The following ADAMTSL1 variants were observed in gnomAD, a reference collection of about 807,000 sequenced individuals.
ADAMTSL1 encodes the protein ADAMTS-like protein 1.
A neutral mutation model predicts 201.8 loss-of-function variants in ADAMTSL1; 126 were observed. The ratio of observed to expected loss-of-function variants is 0.62; its 90% CI spans 0.54 to 0.72. ADAMTSL1 has a LOEUF of 0.72. Among genes scored for constraint, ADAMTSL1 ranks in the 30% least tolerant of loss-of-function variants. ADAMTSL1 has a pLI of 0.00. For missense variants in ADAMTSL1, 2,679 were observed against 2,277.8 expected (o/e 1.18, Z -3.59); for synonymous variants, 1,121 against 903.4 (o/e 1.24, Z -4.32).
intron 1 of ADAMTSL1, among the ~76,000 whole-genome samples, chr9:18,486,760 C>G (rs1342774865): frequency 6.6e-6 from 1 of 152,104 alleles, no homozygotes; most frequent in East Asian, 1.9e-4. Flanking sequence ...CTTTACCTCC[C>G]TCATGTAACA....
intron 2 of ADAMTSL1, among the ~76,000 whole-genome samples, chr9:18,389,366 C>G (rs1837950060): frequency 6.6e-6 from 1 of 152,086 alleles, no homozygotes; most frequent in Admixed American, 6.6e-5. Flanking sequence ...ATTCCAGTCA[C>G]CAATCAAAAA....
chr9:18,315,612 G>A (rs776410657), intron 2 of ADAMTSL1, among the ~76,000 whole-genome samples: 37 of 152,258 alleles, frequency 2.4e-4, no homozygotes, highest in Non-Finnish European at 4.4e-4. Flanking sequence ...TGCCCGGGCC[G>A]GCCGCTCTGA....
At position 18,825,762 on chromosome 9, in the gene ADAMTSL1, T is replaced by C. The variant is rs1043896904; in HGVS notation, c.3935-522T>C. Among the ~76,000 whole-genome samples, 12 of 151,200 alleles carry C rather than the reference T, an allele frequency of 7.9e-5. 1 individual carries two copies. The highest frequency in any genetic ancestry group is 7.2e-4 in the Admixed American group (11 of 15,228). On this transcript the variant is annotated intron_variant, in intron 21 of 28. Coordinates refer to ENST00000380548, the MANE Select transcript of ADAMTSL1 (RefSeq NM_001040272.6). ...ACTGACTACTAACAGCATAGATTAATGTTACCAGGTTTTTTTTTTTTTACT... is the reference window on the plus strand; with the variant it reads ...ACTGACTACTAACAGCATAGATTAACGTTACCAGGTTTTTTTTTTTTTACT...
chr9:18,297,002 C>A (rs777785940), intron 2 of ADAMTSL1, among the ~76,000 whole-genome samples: 1 of 152,186 alleles, frequency 6.6e-6, no homozygotes, highest in East Asian at 1.9e-4. Context: ...CCACCTCCAC[C>A]AGGCTCTTCT....
chr9:18,687,442 G>A (rs1830905790), intron 13 of ADAMTSL1, among the ~76,000 whole-genome samples: 1 of 152,160 alleles, frequency 6.6e-6, no homozygotes, highest in South Asian at 2.1e-4. Context: ...AAATGGTAAT[G>A]TTTAGAAGCT....
At chr9:18,273,761 G>A (rs1270947296) in intron 2 of ADAMTSL1, among the ~76,000 whole-genome samples, 1 of 152,176 alleles carries the variant, frequency 6.6e-6, no homozygotes, top group Non-Finnish European at 1.5e-5. Flanking sequence ...TTCCTTGGTT[G>A]TAACCTAGAT....
At chr9:18,520,252 G>T (rs1253732832) in intron 2 of ADAMTSL1, among the ~76,000 whole-genome samples, 13 of 152,196 alleles carry the variant, frequency 8.5e-5, no homozygotes, top group African/African-American at 3.1e-4. Flanking sequence ...GTCGAGAGAA[G>T]ATCAAACAAC....
At chr9:18,862,449 T>C (rs1316813315) in intron 23 of ADAMTSL1, among the ~76,000 whole-genome samples, 1 of 152,208 alleles carries the variant, frequency 6.6e-6, no homozygotes, top group Non-Finnish European at 1.5e-5. Flanking sequence ...GGAATATTCA[T>C]AGAGTCCGCA....
At chr9:18,649,657 A>G (rs1391060310) in intron 7 of ADAMTSL1, among the ~76,000 whole-genome samples, 1 of 152,200 alleles carries the variant, frequency 6.6e-6, no homozygotes, top group African/African-American at 2.4e-5. Flanking sequence ...TTTCCACTCC[A>G]GACCCTGTTT....
intron 3 of ADAMTSL1, among the ~76,000 whole-genome samples, chr9:18,564,226 C>T (rs371714973): frequency 7.9e-5 from 12 of 152,332 alleles, no homozygotes; most frequent in African/African-American, 2.6e-4. Context: ...CACCGTCCCT[C>T]GTGCACAGTG....
intron 1 of ADAMTSL1, among the ~76,000 whole-genome samples, chr9:18,493,898 G>T (rs1442840137): frequency 6.6e-6 from 1 of 152,130 alleles, no homozygotes; most frequent in Admixed American, 6.5e-5. Flanking sequence ...TACGTATCTG[G>T]TGTTCTACAA....
intron 13 of ADAMTSL1, among the ~76,000 whole-genome samples, chr9:18,688,957 CTA>C (rs1831045788): frequency 6.6e-6 from 1 of 151,688 alleles, no homozygotes; most frequent in Non-Finnish European, 1.5e-5. Context: ...AAAGTTCAAA[CTA>C]TGTCATTTCG....
rs754001590 is a variant in ADAMTSL1 at position 18,838,402 on chromosome 9, C to CACACACACACACACAA, written c.4249+8425_4249+8426insACACACACACACACAA. ...ACACACACACACACACACACACACA[C>CACACACACACACACAA]GCAAAAACCTAGAGGAGTAGAAATT... On this transcript the variant is annotated intron_variant, in intron 23 of 28. Coordinates refer to ENST00000380548, the MANE Select transcript of ADAMTSL1 (RefSeq NM_001040272.6). Among the ~76,000 whole-genome samples, 446 of 125,484 alleles carry CACACACACACACACAA rather than the reference C, an allele frequency of 3.6e-3. 20 individuals are homozygous for CACACACACACACACAA. Among genetic ancestry groups the CACACACACACACACAA allele is most frequent in the East Asian group, 0.018 (83 of 4,624 alleles). 82.3% of individuals were successfully genotyped at this position (125,484 alleles called of 152,430 possible).
intron 7 of ADAMTSL1, among the ~76,000 whole-genome samples, chr9:18,651,662 A>G (rs758777193): frequency 2.0e-5 from 3 of 152,206 alleles, no homozygotes; most frequent in Non-Finnish European, 4.4e-5. Context: ...GAGTGGCATC[A>G]TTCCAATTGT....
At chr9:18,395,594 A>G (rs1404214616) in intron 2 of ADAMTSL1, among the ~76,000 whole-genome samples, 1 of 152,166 alleles carries the variant, frequency 6.6e-6, no homozygotes, top group African/African-American at 2.4e-5. Context: ...ATGGTTGGAG[A>G]GTCAGTATAG....
intron 2 of ADAMTSL1, among the ~76,000 whole-genome samples, chr9:18,412,698 C>T (rs1818497675): frequency 6.6e-6 from 1 of 152,146 alleles, no homozygotes; most frequent in Admixed American, 6.5e-5. Flanking sequence ...TTTTGATTCT[C>T]AAGTTATCCC....
At chr9:18,748,325 C>G (rs1819261422) in intron 15 of ADAMTSL1, among the ~76,000 whole-genome samples, 1 of 152,200 alleles carries the variant, frequency 6.6e-6, no homozygotes, top group South Asian at 2.1e-4. Flanking sequence ...TTAGCCAAAA[C>G]CACTGGGGCA....
intron 5 of ADAMTSL1, among the ~76,000 whole-genome samples, chr9:18,631,130 C>T (rs1218576836): frequency 6.6e-6 from 1 of 152,166 alleles, no homozygotes; most frequent in East Asian, 1.9e-4. Context: ...AAAGTTGTCC[C>T]TCTTGGAATC....
At chr9:18,515,108 A>T (rs537297446) in intron 2 of ADAMTSL1, among the ~76,000 whole-genome samples, 8 of 151,540 alleles carry the variant, frequency 5.3e-5, no homozygotes, top group Non-Finnish European at 7.4e-5. Context: ...GAAAGCTTTT[A>T]AAAAAAATAC....
Sources: gnomAD v4.1 joint callset for allele counts (sites outside exome capture counted in the v4.1 genomes callset) on GRCh38, gnomAD v4.1.1 for gene constraint, MANE v1.5 for transcripts, NCBI Gene and HGNC (gene_info 2026-07-23, HGNC 2026-07-21) for gene names.